Variants in ABAT observed in about 807,000 individuals in gnomAD.
ABAT encodes the protein 4-aminobutyrate aminotransferase.
A neutral mutation model predicts 64.6 loss-of-function variants in ABAT; 45 were observed. The ratio of observed to expected loss-of-function variants is 0.70; its 90% CI spans 0.55 to 0.89. The LOEUF (loss-of-function observed/expected upper bound fraction) is 0.89. Ranked by LOEUF, ABAT falls within the 40% of genes least tolerant of loss-of-function variation. ABAT has a pLI of 0.00. For missense variants in ABAT, 633 were observed against 658.4 expected (o/e 0.96, Z 0.42); for synonymous variants, 297 against 250.5 (o/e 1.19, Z -1.75).
intron 1 of ABAT, among the ~76,000 whole-genome samples, chr16:8,728,701 T>G (rs1264903050): frequency 1.3e-5 from 2 of 152,024 alleles, no homozygotes; most frequent in Non-Finnish European, 2.9e-5. Context: ...TGGTAAAACC[T>G]CATTTCTACT....
intron 1 of ABAT, among the ~76,000 whole-genome samples, chr16:8,705,716 G>C (rs1159634148): frequency 6.6e-6 from 1 of 152,124 alleles, no homozygotes; most frequent in African/African-American, 2.4e-5. Context: ...TTTTTTGCTA[G>C]GTTTTAGTTG....
At chr16:8,701,670 T>G (rs1419546168) in intron 1 of ABAT, among the ~76,000 whole-genome samples, 1 of 152,208 alleles carries the variant, frequency 6.6e-6, no homozygotes, top group Non-Finnish European at 1.5e-5. Flanking sequence ...GAGCTTGCAT[T>G]GTTCTGGGGA....
intron 12 of ABAT, 55 bp downstream of exon 12, chr16:8,772,972 C>A (rs2060157898): frequency 1.2e-6 from 2 of 1,610,016 alleles, no homozygotes; most frequent in South Asian, 2.2e-5. Flanking sequence ...GGGTTGAGTT[C>A]CCCGAGTAAC....
rs140227626 is a variant in ABAT, at chr16:8,694,315, G to A, written c.-42+19604G>A. Among the ~76,000 whole-genome samples the A allele has an allele frequency of 1.7e-3, 256 of 148,664 alleles. 1 individual carries two copies. The highest frequency in any genetic ancestry group is 6.1e-3 in the African/African-American group (246 of 40,410). On this transcript the variant is annotated intron_variant, in intron 1 of 15. Transcript: ENST00000268251. ...TAGGATTACAGGCGTGAGCCACCGC[G>A]CCCGGCCCACTCCATCCATTTTATT...
intron 2 of ABAT, chr16:8,737,342 T>C (rs1162544610): frequency 1.3e-5 from 2 of 151,562 alleles, no homozygotes; most frequent in Non-Finnish European, 2.9e-5. Flanking sequence ...CCAGGTATGG[T>C]GGTGGATGCC....
At chr16:8,695,162 G>C (rs1338842933) in intron 1 of ABAT, among the ~76,000 whole-genome samples, 6 of 152,142 alleles carry the variant, frequency 3.9e-5, no homozygotes, top group African/African-American at 1.4e-4. Flanking sequence ...CTTTGCTTGG[G>C]GACGTCCTTT....
chr16:8,775,149 G>A (rs992233167), intron 13 of ABAT, 92 bp downstream of exon 13: 2 of 1,563,754 alleles, frequency 1.3e-6, no homozygotes, highest in Non-Finnish European at 1.8e-6. Flanking sequence ...CGAGGAGCTG[G>A]GTGGGCACTT....
chr16:8,778,980 C>T (rs560725406), intron 14 of ABAT, among the ~76,000 whole-genome samples: 32 of 152,236 alleles, frequency 2.1e-4, no homozygotes, highest in Admixed American at 2.0e-3. Context: ...TCTCAAAGCC[C>T]TGAGGGAGGA....
chr16:8,676,071 G>A (rs1178855594), intron 1 of ABAT, among the ~76,000 whole-genome samples: 1 of 152,152 alleles, frequency 6.6e-6, no homozygotes, highest in East Asian at 1.9e-4. Flanking sequence ...CTCTTCTCTG[G>A]TGGGTCAGGT....
At chr16:8,708,770 G>T (rs2142065218) in intron 1 of ABAT, among the ~76,000 whole-genome samples, 1 of 152,328 alleles carries the variant, frequency 6.6e-6, no homozygotes, top group South Asian at 2.1e-4. Flanking sequence ...CAGTTCCCCA[G>T]ATAAATAGCT....
chr16:8,777,515 T>G (rs1641024), intron 14 of ABAT, among the ~76,000 whole-genome samples: 1 of 151,784 alleles, frequency 6.6e-6, no homozygotes, highest in Non-Finnish European at 1.5e-5. Context: ...TCTCACATAA[T>G]ACTTCTAACA....
At chr16:8,699,796 CCTCTT>C (rs79589653) in intron 1 of ABAT, among the ~76,000 whole-genome samples, 10,960 of 150,334 alleles carry the variant, frequency 0.073, 525 homozygotes, top group Middle Eastern at 0.2. Flanking sequence ...GTGAATATTT[CCTCTT>C]CTCTTCTCTT....
intron 15 of ABAT, chr16:8,780,908 GC>G (rs1474711926): frequency 6.2e-6 from 3 of 484,220 alleles, no homozygotes; most frequent in Non-Finnish European, 1.1e-5. Context: ...CTCAGCCTGT[GC>G]TTTTGCAACT....
chr16:8,679,661 C>T (rs2057287295), intron 1 of ABAT, among the ~76,000 whole-genome samples: 1 of 152,024 alleles, frequency 6.6e-6, no homozygotes. Flanking sequence ...GCCCTGGTCT[C>T]TCCTGCCTTT....
At chr16:8,724,718 G>T in intron 1 of ABAT, among the ~76,000 whole-genome samples, 1 of 123,616 alleles carries the variant, frequency 8.1e-6, no homozygotes. Flanking sequence ...AATAGAGCCA[G>T]ACCTTGTCTC....
Position 8,746,073 on chromosome 16 carries a change from C to A in ABAT, c.143C>A (p.Thr48Lys), listed in dbSNP as rs756018049. Reference protein sequence around the residue: ...EFDYDGPLMKTEVPGPRSQEL... With the variant: ...EFDYDGPLMKKEVPGPRSQEL... ...GATTATGATGGGCCTCTGATGAAGA[C>A]GGAAGTCCCAGGGCCTAGATCTCAG... Residue 48 changes from threonine to lysine, a missense_variant, in exon 3 of 16, where the codon ACG (threonine) becomes AAG (lysine). Transcript: ENST00000268251. The A allele has an allele frequency of 5.6e-6, 9 of 1,613,484 alleles. No individual in the cohort carries two copies. The highest frequency in any genetic ancestry group is 1.3e-5 in the African/African-American group (1 of 74,866).
chr16:8,749,756 C>G lies in ABAT; in HGVS notation c.199-666C>G, dbSNP rs578154761. ...TGAGATGGAGTCTCACTCTGTCGCCCCAGGTTGGAGTGTAGTGGCACAATC... is the reference window on the plus strand; with the variant it reads ...TGAGATGGAGTCTCACTCTGTCGCCGCAGGTTGGAGTGTAGTGGCACAATC... On this transcript the variant is annotated intron_variant, in intron 4 of 15. Transcript: ENST00000268251. Among the ~76,000 whole-genome samples, 8 of 151,952 alleles carry G rather than the reference C, an allele frequency of 5.3e-5. 1 individual carries two copies. The South Asian group carries it at 1.5e-3, about 28-fold the overall frequency.
intron 2 of ABAT, among the ~76,000 whole-genome samples, chr16:8,745,100 A>G (rs2059292093): frequency 6.6e-6 from 1 of 151,954 alleles, no homozygotes; most frequent in Non-Finnish European, 1.5e-5. Context: ...CTCCCACCTC[A>G]GCCTCCCAAG....
chr16:8,718,674 T>A (rs1025552351), intron 1 of ABAT, among the ~76,000 whole-genome samples: 4 of 152,166 alleles, frequency 2.6e-5, no homozygotes, highest in African/African-American at 9.7e-5. Context: ...GACCCCTAAA[T>A]GGCAGCCTCA....
Sources: gnomAD v4.1 joint callset for allele counts (sites outside exome capture counted in the v4.1 genomes callset) on GRCh38, gnomAD v4.1.1 for gene constraint, MANE v1.5 for transcripts, NCBI Gene and HGNC (gene_info 2026-07-23, HGNC 2026-07-21) for gene names.